The following SLC25A36 variants were observed in gnomAD, a reference collection of about 807,000 sequenced individuals.
SLC25A36 encodes epididymis secretory sperm binding protein.
SLC25A36 carries 24 observed loss-of-function variants against 35.3 expected under a neutral mutation model. That is an observed-to-expected ratio of 0.68 (90% CI 0.49 to 0.96). The LOEUF is 0.96. SLC25A36 is among the 40% of genes least tolerant of loss of function. SLC25A36 has a pLI of 0.00. For missense variants in SLC25A36, 294 were observed against 381.1 expected, an observed-to-expected ratio of 0.77 and a Z score of 1.90; for synonymous variants, 141 against 132.2, an observed-to-expected ratio of 1.07 and a Z score of -0.46.
At position 140,973,779 on chromosome 3, in the gene SLC25A36, A is replaced by T. The variant is rs75098983; in HGVS notation, c.516A>T (p.Gly172=). The change falls in exon 6 of 7, where the codon GGA becomes GGT. Residue 172 remains glycine (G), a synonymous_variant. Transcript: ENST00000324194. ...ECVRKVYQTD[G]LKGFYRGMSA... ...TTCGTAAAGTGTATCAGACAGATGGACTAAAAGGATTTTATAGGGGCATGT... is the reference window on the plus strand; with the variant it reads ...TTCGTAAAGTGTATCAGACAGATGGTCTAAAAGGATTTTATAGGGGCATGT... 3,202 of 1,612,264 alleles carry T rather than the reference A, an allele frequency of 2.0e-3. 36 individuals are homozygous for T. Among genetic ancestry groups the T allele is most frequent in the African/African-American group, 0.02 (1,488 of 74,972 alleles).
chr3:140,944,406 T>C (rs1374338541), intron 1 of SLC25A36, among the ~76,000 whole-genome samples: 2 of 152,150 alleles, frequency 1.3e-5, no homozygotes, highest in Non-Finnish European at 2.9e-5. Context: ...TTGCCAGAGT[T>C]AATATTCAGA....
intron 1 of SLC25A36, among the ~76,000 whole-genome samples, chr3:140,944,990 A>G (rs532279426): frequency 6.6e-6 from 1 of 152,264 alleles, no homozygotes; most frequent in East Asian, 1.9e-4. Flanking sequence ...AATTTTTACT[A>G]CCTCTCCTTT....
At chr3:140,953,226 A>G (rs1026043451) in intron 1 of SLC25A36, among the ~76,000 whole-genome samples, 9 of 152,136 alleles carry the variant, frequency 5.9e-5, no homozygotes, top group African/African-American at 2.2e-4. Context: ...CCTCATATAT[A>G]ATGAGGTTTT....
At chr3:140,967,795 G>C (rs1234107139) in intron 4 of SLC25A36, among the ~76,000 whole-genome samples, 1 of 151,878 alleles carries the variant, frequency 6.6e-6, no homozygotes, top group African/African-American at 2.4e-5. Context: ...ATCCTACTAA[G>C]AGTATGGCCA....
At chr3:140,945,904 G>A (rs1428001201) in intron 1 of SLC25A36, among the ~76,000 whole-genome samples, 1 of 152,176 alleles carries the variant, frequency 6.6e-6, no homozygotes, top group Non-Finnish European at 1.5e-5. Flanking sequence ...GTTCTGCGTT[G>A]TTTCAATTGC....
In SLC25A36 at chr3:140,979,853, T is replaced by C. The variant is rs187346332; in HGVS notation, c.*3400T>C. 308 of 152,348 alleles carry C rather than the reference T, an allele frequency of 2.0e-3. 2 individuals are homozygous for C. The highest frequency in any genetic ancestry group is 7.2e-3 in the African/African-American group (300 of 41,568). 9.4% of individuals were successfully genotyped at this position (152,348 alleles called of 1,614,324 possible). Reference sequence around the variant, plus strand: ...TGCATTTATGTACATGGCTGTAAATTATGTGCATTTACTCTGTATTTATGT... The same window carrying C: ...TGCATTTATGTACATGGCTGTAAATCATGTGCATTTACTCTGTATTTATGT... On this transcript the variant is annotated 3_prime_UTR_variant, in exon 7 of 7. Transcript: ENST00000324194.
chr3:140,976,606 A>C lies in SLC25A36; in HGVS notation c.*153A>C, dbSNP rs891579550. The C allele has an allele frequency of 2.1e-5, 10 of 475,782 alleles. No homozygotes were observed. Among genetic ancestry groups the C allele is most frequent in the African/African-American group, 1.6e-4 (8 of 48,956 alleles). 29.5% of individuals were successfully genotyped at this position (475,782 alleles called of 1,614,324 possible). ...TTTTGTTGTAGGAATTATAGTAATC[A>C]CACCACATTACTTGGCCTTTCGGTA... On this transcript the variant is annotated 3_prime_UTR_variant, in exon 7 of 7. Coordinates refer to ENST00000324194, the MANE Select transcript of SLC25A36 (RefSeq NM_001104647.3).
intron 3 of SLC25A36, 45 bp from the exon 4 acceptor site, chr3:140,963,082 C>A (rs764982804): frequency 6.9e-6 from 8 of 1,164,312 alleles, no homozygotes; most frequent in Non-Finnish European, 9.6e-6. Context: ...GTAAATCTTA[C>A]GCATTAAGAA....
At chr3:140,974,104 A>G in intron 6 of SLC25A36, 99 bp downstream of exon 6, 1 of 788,386 alleles carries the variant, frequency 1.3e-6, no homozygotes, top group Non-Finnish European at 2.0e-6. Flanking sequence ...TGGTATAACA[A>G]AATACAATTA....
intron 3 of SLC25A36, 102 bp from the exon 4 acceptor site, chr3:140,963,025 T>C (rs1299313598): frequency 1.5e-6 from 1 of 669,684 alleles, no homozygotes; most frequent in East Asian, 3.2e-5. Flanking sequence ...TAGGACTTTA[T>C]GGTTTTTAAA....
In SLC25A36 at chr3:140,976,482, A is replaced by C. The variant is rs1437581699; in HGVS notation, c.*29A>C. 6.4e-7 allele frequency: 1 copy of C among 1,563,190 alleles called. No individual in the cohort carries two copies. On this transcript the variant is annotated 3_prime_UTR_variant, in exon 7 of 7. Transcript: ENST00000324194. Reference sequence around the variant, plus strand: ...CACGAGGACTGCTGTACTGCAAAAAAAGAAGACCAAAAGATTACAGTGGAC... The same window carrying C: ...CACGAGGACTGCTGTACTGCAAAAACAGAAGACCAAAAGATTACAGTGGAC...
intron 1 of SLC25A36, among the ~76,000 whole-genome samples, chr3:140,948,773 A>AT (rs1209645016): frequency 6.6e-6 from 1 of 152,032 alleles, no homozygotes; most frequent in Non-Finnish European, 1.5e-5. Context: ...AGTGCCTTGG[A>AT]TTTTTTCCAG....
chr3:140,944,957 A>C (rs748698751), intron 1 of SLC25A36, among the ~76,000 whole-genome samples: 3 of 152,142 alleles, frequency 2.0e-5, no homozygotes, highest in Non-Finnish European at 4.4e-5. Flanking sequence ...CTCTGACCAT[A>C]TTTTTATTAG....
rs1935065464 is a variant in SLC25A36 at position 140,977,007 on chromosome 3, T to C, written c.*554T>C. The C allele has an allele frequency of 6.6e-6, 1 of 152,214 alleles. No individual in the cohort carries two copies. The highest frequency in any genetic ancestry group is 6.5e-5 in the Admixed American group (1 of 15,276). The allele number at this position is 152,214 out of a possible 1,614,324, so 9.4% of individuals were successfully genotyped here. A position where few individuals can be genotyped will look rare whatever the true frequency, so the allele number is the denominator to read the frequency against. ...AATAGCGTCTAAATATCTTGTATATTTTTTAGCATCAAAATGTTTTGGTTT... is the reference window on the plus strand; with the variant it reads ...AATAGCGTCTAAATATCTTGTATATCTTTTAGCATCAAAATGTTTTGGTTT... On this transcript the variant is annotated 3_prime_UTR_variant, in exon 7 of 7. Coordinates refer to ENST00000324194, the MANE Select transcript of SLC25A36 (RefSeq NM_001104647.3).
chr3:140,958,893 T>A (rs906277020), intron 2 of SLC25A36, among the ~76,000 whole-genome samples: 3 of 152,022 alleles, frequency 2.0e-5, no homozygotes, highest in African/African-American at 4.8e-5. Flanking sequence ...ACAGATTTTT[T>A]AATCATTACT....
chr3:140,968,806 TTCAAA>T, intron 4 of SLC25A36: 1 of 631,426 alleles, frequency 1.6e-6, no homozygotes, highest in Non-Finnish European at 2.0e-6. Context: ...TCATCTTCTT[TTCAAA>T]TAAGTATAAT....
chr3:140,968,190 A>G, intron 4 of SLC25A36: 1 of 936,002 alleles, frequency 1.1e-6, no homozygotes, highest in Non-Finnish European at 1.3e-6. Flanking sequence ...TAGCCTAGTA[A>G]TGTCTATTTA....
intron 4 of SLC25A36, among the ~76,000 whole-genome samples, chr3:140,969,296 T>C (rs1559816329): frequency 6.6e-6 from 1 of 151,866 alleles, no homozygotes. Flanking sequence ...TTACCAAGAA[T>C]ATATGCATGA....
rs550904325 is a variant in SLC25A36 at position 140,943,514 on chromosome 3, A to T, written c.41+1419A>T. 8.7e-4 allele frequency among the ~76,000 whole-genome samples: 132 copies of T among 152,334 alleles called. 1 individual carries two copies. The highest frequency in any genetic ancestry group is 2.5e-3 in the African/African-American group (102 of 41,578). On this transcript the variant is annotated intron_variant, in intron 1 of 6. Coordinates refer to ENST00000324194, the MANE Select transcript of SLC25A36 (RefSeq NM_001104647.3). ...ATAATCAGGCAAATTAAATCTTTTTAAAAAAATTCTGTAGCTATGTAGATG... is the reference window on the plus strand; with the variant it reads ...ATAATCAGGCAAATTAAATCTTTTTTAAAAAATTCTGTAGCTATGTAGATG...
Sources: gnomAD v4.1 joint callset for allele counts (sites outside exome capture counted in the v4.1 genomes callset) on GRCh38, gnomAD v4.1.1 for gene constraint, MANE v1.5 for transcripts, NCBI Gene and HGNC (gene_info 2026-07-23, HGNC 2026-07-21) for gene names.